GPR158: variants seen among roughly 807,000 people sequenced by gnomAD.
GPR158 encodes G protein-coupled receptor 158.
A neutral mutation model predicts 78.2 loss-of-function variants in GPR158; 30 were observed. That is an observed-to-expected ratio of 0.38 (90% CI 0.29 to 0.52). The LOEUF (loss-of-function observed/expected upper bound fraction) is 0.52, where lower values mean the gene tolerates loss of function less well. GPR158 is among the 20% of genes least tolerant of loss of function. GPR158 has a pLI of 0.83. For synonymous variants in GPR158, 581 were observed against 591.1 expected, an observed-to-expected ratio of 0.98 and a Z score of 0.25; for missense variants, 1,463 against 1,523.5, an observed-to-expected ratio of 0.96 and a Z score of 0.66.
chr10:25,381,028 G>GT (rs1277466411), intron 2 of GPR158, among the ~76,000 whole-genome samples: 1 of 152,186 alleles, frequency 6.6e-6, no homozygotes, highest in African/African-American at 2.4e-5. Context: ...GTAAGAATAA[G>GT]TATAGGACAG....
At chr10:25,310,038 T>TAG (rs1214183185) in intron 2 of GPR158, among the ~76,000 whole-genome samples, 1 of 152,222 alleles carries the variant, frequency 6.6e-6, no homozygotes, top group South Asian at 2.1e-4. Context: ...TTTTCACACT[T>TAG]ACGTTTAAGT....
chr10:25,419,190 T>C (rs1054351923), intron 4 of GPR158, among the ~76,000 whole-genome samples: 3 of 152,154 alleles, frequency 2.0e-5, no homozygotes, highest in African/African-American at 7.2e-5. Flanking sequence ...TCTCTTCTAC[T>C]TTCTGTTGCT....
chr10:25,490,655 G>T (rs1362749546), intron 5 of GPR158, among the ~76,000 whole-genome samples: 1 of 149,152 alleles, frequency 6.7e-6, no homozygotes, highest in African/African-American at 2.5e-5. Flanking sequence ...GTATTCCGTG[G>T]TGTATATGTG....
At chr10:25,455,320 C>G (rs893289493) in intron 4 of GPR158, among the ~76,000 whole-genome samples, 2 of 152,098 alleles carry the variant, frequency 1.3e-5, no homozygotes, top group South Asian at 4.1e-4. Context: ...TTCCAGGAGA[C>G]TGATTTAGTA....
At chr10:25,376,491 G>C (rs983652734) in intron 2 of GPR158, among the ~76,000 whole-genome samples, 1 of 151,702 alleles carries the variant, frequency 6.6e-6, no homozygotes. Context: ...TTTTACACAA[G>C]TCTTCTCTGA....
intron 3 of GPR158, among the ~76,000 whole-genome samples, chr10:25,404,409 G>A (rs532689162): frequency 1.3e-5 from 2 of 152,202 alleles, no homozygotes; most frequent in African/African-American, 4.8e-5. Context: ...AGAATAAAAT[G>A]TGCTCATAAT....
At chr10:25,573,296 G>C (rs188262304) in intron 7 of GPR158, among the ~76,000 whole-genome samples, 210 of 152,310 alleles carry the variant, frequency 1.4e-3, no homozygotes, top group Non-Finnish European at 2.4e-3. Flanking sequence ...GCCCTATAAT[G>C]TATCAGACTT....
intron 2 of GPR158, among the ~76,000 whole-genome samples, chr10:25,339,616 T>G (rs1402776563): frequency 1.3e-5 from 2 of 152,100 alleles, no homozygotes; most frequent in African/African-American, 4.8e-5. Flanking sequence ...TATTTCAACA[T>G]TGATTATGAT....
intron 5 of GPR158, among the ~76,000 whole-genome samples, chr10:25,485,370 T>C (rs1835722572): frequency 6.6e-6 from 1 of 151,758 alleles, no homozygotes; most frequent in Non-Finnish European, 1.5e-5. Flanking sequence ...AAGAGAAATA[T>C]AAAGACATCA....
intron 2 of GPR158, among the ~76,000 whole-genome samples, chr10:25,386,768 C>T (rs951623746): frequency 1.3e-5 from 2 of 151,836 alleles, no homozygotes; most frequent in African/African-American, 2.4e-5. Flanking sequence ...TTGGATTATT[C>T]ATTGTTTTTA....
At chr10:25,248,796 G>A (rs1180194163) in intron 2 of GPR158, among the ~76,000 whole-genome samples, 7 of 148,300 alleles carry the variant, frequency 4.7e-5, no homozygotes, top group African/African-American at 5.2e-5. Flanking sequence ...TTGGCGATGT[G>A]GGCTCTTTTT....
At chr10:25,294,681 G>T (rs536132546) in intron 2 of GPR158, among the ~76,000 whole-genome samples, 5 of 152,274 alleles carry the variant, frequency 3.3e-5, no homozygotes, top group African/African-American at 1.2e-4. Context: ...CTGGTAAAGT[G>T]TCAATGATTT....
At chr10:25,431,086 T>C (rs1333147540) in intron 4 of GPR158, among the ~76,000 whole-genome samples, 1 of 140,448 alleles carries the variant, frequency 7.1e-6, no homozygotes, top group African/African-American at 2.7e-5. Context: ...ACCTACTAAA[T>C]GGGAGAAAAT....
chr10:25,287,862 GT>G (rs1564411433), intron 2 of GPR158, among the ~76,000 whole-genome samples: 1 of 151,886 alleles, frequency 6.6e-6, no homozygotes, highest in South Asian at 2.1e-4. Flanking sequence ...AACCTTCTGC[GT>G]CCCAAGTAGA....
At chr10:25,364,851 A>C (rs2130539130) in intron 2 of GPR158, among the ~76,000 whole-genome samples, 1 of 151,948 alleles carries the variant, frequency 6.6e-6, no homozygotes, top group Admixed American at 6.6e-5. Flanking sequence ...GGTTAGAATT[A>C]GATTTAGAGT....
Position 25,573,363 on chromosome 10 carries a change from A to G in GPR158, c.1753+476A>G, listed in dbSNP as rs192779326. ...TCTCTGCAAAATTTCTGATTAATCT[A>G]TCTTTCCTTTGCTGACCTCAAAAGA... On this transcript the variant is annotated intron_variant, in intron 7 of 10. Transcript: ENST00000376351. Among the ~76,000 whole-genome samples the G allele has an allele frequency of 1.2e-3, 178 of 152,332 alleles. 2 individuals carry two copies. The highest frequency in any genetic ancestry group is 4.0e-3 in the African/African-American group (166 of 41,578).
chr10:25,394,570 A>G (rs1473776244), intron 2 of GPR158, among the ~76,000 whole-genome samples: 1 of 152,196 alleles, frequency 6.6e-6, no homozygotes, highest in Non-Finnish European at 1.5e-5. Context: ...AACTCAGTTG[A>G]ATTGACTGGT....
At chr10:25,281,036 G>A (rs1283924190) in intron 2 of GPR158, among the ~76,000 whole-genome samples, 5 of 151,512 alleles carry the variant, frequency 3.3e-5, no homozygotes, top group South Asian at 4.2e-4. Flanking sequence ...TGGAGAGGCC[G>A]AGGCACAAGA....
intron 4 of GPR158, among the ~76,000 whole-genome samples, chr10:25,419,741 C>T (rs941627792): frequency 6.6e-6 from 1 of 152,014 alleles, no homozygotes; most frequent in Non-Finnish European, 1.5e-5. Flanking sequence ...GTTTGACTTC[C>T]ATTTTCCTAA....
Sources: gnomAD v4.1 joint callset for allele counts (sites outside exome capture counted in the v4.1 genomes callset) on GRCh38, gnomAD v4.1.1 for gene constraint, MANE v1.5 for transcripts, NCBI Gene and HGNC (gene_info 2026-07-23, HGNC 2026-07-21) for gene names.